CDH23: variants seen among roughly 807,000 people sequenced by gnomAD.
The protein encoded by CDH23 is cadherin-23.
Under a neutral mutation model 317.1 loss-of-function variants are expected in CDH23, and 189 were observed. The observed-to-expected ratio is 0.60, with a 90% confidence interval of 0.53 to 0.67. The LOEUF is 0.67. CDH23 is among the 30% of genes least tolerant of loss of function. The probability of loss-of-function intolerance (pLI) is 0.00; values close to 1 mark genes in which losing one functional copy is unlikely to be tolerated. For synonymous variants in CDH23, 1,839 were observed against 1,876.8 expected, an observed-to-expected ratio of 0.98 and a Z score of 0.52; for missense variants, 4,401 against 4,592.4, an observed-to-expected ratio of 0.96 and a Z score of 1.20.
rs1193583919 is a variant in CDH23, at chr10:71,799,264, A to G, written c.7208A>G (p.Asp2403Gly). ...VDINDNNPIF[D>G]QPSYQEAVFE... Reference sequence around the variant, plus strand: ...ATCAATGACAACAACCCCATCTTTGACCAGCCCTCCTACCAGGTGGGTGGC... The same window carrying G: ...ATCAATGACAACAACCCCATCTTTGGCCAGCCCTCCTACCAGGTGGGTGGC... Residue 2403 changes from aspartate to glycine, a missense_variant, in exon 51 of 70, where the codon GAC becomes GGC. Physicochemically the swap from Asp to Gly is moderately conservative, Grantham distance 94. Around this residue, in one of 3 missense-constraint regions of CDH23, gnomAD observed 189 missense variants for 250.9 expected, o/e 0.75. Transcript: ENST00000224721. The G allele has an allele frequency of 1.2e-6, 2 of 1,613,888 alleles. No homozygotes were observed. The highest frequency in any genetic ancestry group is 2.7e-5 in the African/African-American group (2 of 74,928).
intron 28 of CDH23, 188 bp downstream of exon 28, chr10:71,713,001 C>T (rs990732763): frequency 2.6e-6 from 2 of 772,410 alleles, no homozygotes; most frequent in Non-Finnish European, 2.3e-6. Context: ...GGAGTGTGGG[C>T]CCCCAGGTTG....
intron 6 of CDH23, among the ~76,000 whole-genome samples, chr10:71,538,215 ATACAC>A (rs1208798159): frequency 6.6e-6 from 1 of 152,174 alleles, no homozygotes; most frequent in African/African-American, 2.4e-5. Flanking sequence ...TTCATTTCCG[ATACAC>A]TAGGGGTTGA....
In CDH23 at chr10:71,732,077, A is replaced by G; in HGVS notation, c.3806A>G (p.Asn1269Ser). 1 of 1,614,010 alleles carries G rather than the reference A, an allele frequency of 6.2e-7. No individual in the cohort carries two copies. The highest frequency in any genetic ancestry group is 8.5e-7 in the Non-Finnish European group (1 of 1,179,898). Reference sequence around the variant, plus strand: ...AGCACAGGGCTTATCATCACCGTGAATTACCTGGACTACGAGACCAAGACC... The same window carrying G: ...AGCACAGGGCTTATCATCACCGTGAGTTACCTGGACTACGAGACCAAGACC... ...DESTGLIITVNYLDYETKTSY... is the reference protein window; with the variant it reads ...DESTGLIITVSYLDYETKTSY... The change falls in exon 32 of 70, where the codon AAT (asparagine) becomes AGT (serine). Residue 1269 changes from asparagine to serine, a missense_variant. Asn to Ser is a conservative substitution (Grantham distance 46). Around this residue, in one of 3 missense-constraint regions of CDH23, gnomAD observed 3,068 missense variants for 3,203.3 expected, o/e 0.96. Coordinates refer to ENST00000224721, the MANE Select transcript of CDH23 (RefSeq NM_022124.6).
chr10:71,788,901 G>T, intron 44 of CDH23, 39 bp from the exon 45 acceptor site: 1 of 1,069,784 alleles, frequency 9.3e-7, no homozygotes, highest in South Asian at 1.2e-5. Flanking sequence ...GCACTTTGCT[G>T]AGCATGGCCT....
At chr10:71,699,250 C>G (rs1865498972) in intron 22 of CDH23, among the ~76,000 whole-genome samples, 1 of 152,230 alleles carries the variant, frequency 6.6e-6, no homozygotes, top group Non-Finnish European at 1.5e-5. Flanking sequence ...TTTCCTTTCC[C>G]CTACCCCCTA....
chr10:71,410,815 GTT>G (rs1307808369), intron 1 of CDH23, among the ~76,000 whole-genome samples: 1 of 152,116 alleles, frequency 6.6e-6, no homozygotes, highest in African/African-American at 2.4e-5. Flanking sequence ...TAGTTAATGT[GTT>G]TCTCTTCATT....
chr10:71,699,970 G>A (rs1472666087), intron 22 of CDH23, among the ~76,000 whole-genome samples: 2 of 152,192 alleles, frequency 1.3e-5, no homozygotes, highest in East Asian at 3.9e-4. Context: ...TGGAAGAGGA[G>A]AAACCACCCA....
In CDH23 at chr10:71,807,763, T is replaced by A; in HGVS notation, c.8556T>A (p.Thr2852=). ...QPPRFTKAEY[T]AGVATDAKVG... The stretch of plus-strand genomic sequence containing the variant: ...CACGCTTCACCAAGGCTGAGTACAC[T>A]GCAGGTGCAGGGACTGGAGCCTGGG... The change falls in exon 59 of 70, where the codon ACT becomes ACA. Residue 2852 remains threonine (T), a synonymous_variant. Transcript: ENST00000224721. 6.3e-7 allele frequency: 1 copy of A among 1,598,910 alleles called. No homozygotes were observed. Among genetic ancestry groups the A allele is most frequent in the Non-Finnish European group, 8.5e-7 (1 of 1,172,380 alleles).
chr10:71,791,349 A>T lies in CDH23; in HGVS notation c.6253+14A>T. ...ACTGCCCGCCTGGTAAGCAGGGGAC[A>T]GGCCCCAGCACCCCACAACCAGGGG... is the stretch of plus-strand genomic sequence containing the variant. On this transcript the variant is annotated intron_variant, in intron 47 of 69. Transcript: ENST00000224721. The T allele has an allele frequency of 1.2e-6, 2 of 1,609,880 alleles. No homozygotes were observed. The highest frequency in any genetic ancestry group is 1.7e-6 in the Non-Finnish European group (2 of 1,177,718).
intron 8 of CDH23, among the ~76,000 whole-genome samples, chr10:71,572,346 G>A (rs932782122): frequency 2.6e-5 from 4 of 152,120 alleles, no homozygotes; most frequent in African/African-American, 9.7e-5. Flanking sequence ...CAGCTGTGAC[G>A]TGCTGTTTTC....
At chr10:71,680,131 C>T (rs1334094397) in intron 17 of CDH23, among the ~76,000 whole-genome samples, 5 of 152,234 alleles carry the variant, frequency 3.3e-5, no homozygotes, top group Non-Finnish European at 2.9e-5. Flanking sequence ...CCACCAGAGT[C>T]CAGCCTCTTT....
rs777495678 is a variant in CDH23, at chr10:71,665,394, T to G, written c.1450-9718T>G. 3.0e-4 allele frequency among the ~76,000 whole-genome samples: 46 copies of G among 152,358 alleles called. 1 individual carries two copies. The highest frequency in any genetic ancestry group is 1.2e-3 in the Admixed American group (19 of 15,310). On this transcript the variant is annotated intron_variant, in intron 14 of 69. Coordinates refer to ENST00000224721, the MANE Select transcript of CDH23 (RefSeq NM_022124.6). ...CATCTCGGAGCCTCTGTTCCTGCCCTGGAGTTGTAGTCAGAGTTTGCTTTT... is the reference window on the plus strand; with the variant it reads ...CATCTCGGAGCCTCTGTTCCTGCCCGGGAGTTGTAGTCAGAGTTTGCTTTT...
At chr10:71,712,974 G>A (rs553590895) in intron 28 of CDH23, 161 bp downstream of exon 28, 72 of 867,028 alleles carry the variant, frequency 8.3e-5, no homozygotes, top group Admixed American at 7.9e-4. Flanking sequence ...GGGGACCCAG[G>A]CCCTCTCCCA....
At chr10:71,491,484 G>A (rs1483199532) in intron 3 of CDH23, among the ~76,000 whole-genome samples, 1 of 152,242 alleles carries the variant, frequency 6.6e-6, no homozygotes, top group Non-Finnish European at 1.5e-5. Flanking sequence ...TACGAGGTAA[G>A]AGCTTCTGTT....
At position 71,732,135 on chromosome 10, in the gene CDH23, G is replaced by A; in HGVS notation, c.3864G>A (p.Gln1288=). 1 of 1,614,026 alleles carries A rather than the reference G, an allele frequency of 6.2e-7. No homozygotes were observed. The highest frequency in any genetic ancestry group is 8.5e-7 in the Non-Finnish European group (1 of 1,179,894). The part of the protein sequence containing the change: ...SYMMNVSATD[Q]APPFNQGFCS... Reference sequence around the variant, plus strand: ...TGATGAATGTGTCGGCCACTGACCAGGCCCCGCCCTTCAACCAGGGCTTCT... The same window carrying A: ...TGATGAATGTGTCGGCCACTGACCAAGCCCCGCCCTTCAACCAGGGCTTCT... Residue 1288 remains glutamine, a synonymous_variant, in exon 32 of 70, where the codon CAG becomes CAA. Transcript: ENST00000224721.
chr10:71,597,411 C>G (rs1490924013), intron 9 of CDH23, among the ~76,000 whole-genome samples: 1 of 152,104 alleles, frequency 6.6e-6, no homozygotes, highest in Non-Finnish European at 1.5e-5. Flanking sequence ...CCACCTGGCT[C>G]TTGGGGCTAC....
chr10:71,499,517 A>G (rs942297945), intron 3 of CDH23, among the ~76,000 whole-genome samples: 4 of 151,398 alleles, frequency 2.6e-5, no homozygotes, highest in African/African-American at 4.9e-5. Flanking sequence ...AGCTGATATC[A>G]TGCCATTGCA....
chr10:71,474,307 G>T (rs768213536), intron 3 of CDH23, among the ~76,000 whole-genome samples: 7 of 152,340 alleles, frequency 4.6e-5, no homozygotes, highest in Middle Eastern at 6.8e-3. Flanking sequence ...GAAACAGGAG[G>T]TTCAGTCTGG....
chr10:71,775,137 G>A (rs1330381282), intron 38 of CDH23, among the ~76,000 whole-genome samples: 1 of 152,112 alleles, frequency 6.6e-6, no homozygotes, highest in Non-Finnish European at 1.5e-5. Context: ...CCTTCCTGCT[G>A]GCATAGCATG....
Sources: gnomAD v4.1 joint callset for allele counts (sites outside exome capture counted in the v4.1 genomes callset) on GRCh38, gnomAD v4.1.1 for gene constraint, gnomAD v4.1.1 regional missense constraint, MANE v1.5 for transcripts, NCBI Gene and HGNC (gene_info 2026-07-23, HGNC 2026-07-21) for gene names.